The following CCDC7 variants were observed in gnomAD, a reference collection of about 807,000 sequenced individuals.
CCDC7 encodes coiled-coil domain-containing protein 7.
Under a neutral mutation model 196.9 loss-of-function variants are expected in CCDC7, and 183 were observed. That is an observed-to-expected ratio of 0.93 (90% CI 0.82 to 1.05). The LOEUF (loss-of-function observed/expected upper bound fraction) is 1.05, where lower values mean the gene tolerates loss of function less well. Ranked by LOEUF, CCDC7 falls within the 50% of genes least tolerant of loss-of-function variation. CCDC7 has a pLI of 0.00. For synonymous variants in CCDC7, 525 were observed against 484.6 expected, an observed-to-expected ratio of 1.08 and a Z score of -1.10; for missense variants, 1,540 against 1,482.2, an observed-to-expected ratio of 1.04 and a Z score of -0.64.
chr10:32,692,168 A>G (rs965437579), intron 23 of CCDC7, among the ~76,000 whole-genome samples: 6 of 152,180 alleles, frequency 3.9e-5, no homozygotes, highest in African/African-American at 1.4e-4. Context: ...CAGGCTGTCC[A>G]CCATTTTTAG....
At chr10:32,796,290 C>T (rs1454423883) in intron 29 of CCDC7, among the ~76,000 whole-genome samples, 2 of 152,010 alleles carry the variant, frequency 1.3e-5, no homozygotes, top group Non-Finnish European at 2.9e-5. Flanking sequence ...GGGAGTAAAG[C>T]CAGATTGCTT....
chr10:32,840,148 C>CAAAG, intron 33 of CCDC7, among the ~76,000 whole-genome samples: 1 of 147,056 alleles, frequency 6.8e-6, no homozygotes, highest in Middle Eastern at 3.6e-3. Context: ...AAAGAAATAA[C>CAAAG]AAAGATCAGA....
intron 9 of CCDC7, chr10:32,513,708 A>G (rs1195560530): frequency 6.6e-6 from 1 of 152,234 alleles, no homozygotes; most frequent in Non-Finnish European, 1.5e-5. Context: ...GCAGGTATCA[A>G]TTTACATAAT....
intron 21 of CCDC7, among the ~76,000 whole-genome samples, chr10:32,679,717 A>AT (rs1288371631): frequency 6.6e-6 from 1 of 152,086 alleles, no homozygotes; most frequent in African/African-American, 2.4e-5. Context: ...ATCCAGTCCT[A>AT]TTTGGGGGGT....
intron 23 of CCDC7, among the ~76,000 whole-genome samples, chr10:32,692,234 C>T (rs561640409): frequency 1.4e-4 from 22 of 152,252 alleles, no homozygotes; most frequent in Non-Finnish European, 2.9e-4. Flanking sequence ...GCAGAGTCTC[C>T]AACTTTTTTG....
intron 24 of CCDC7, among the ~76,000 whole-genome samples, chr10:32,696,505 T>G (rs1207158973): frequency 1.3e-5 from 2 of 151,804 alleles, no homozygotes; most frequent in African/African-American, 4.8e-5. Flanking sequence ...AGCCAAAAGA[T>G]TTGCATAAAA....
chr10:32,595,034 G>A (rs1189397431), intron 18 of CCDC7, among the ~76,000 whole-genome samples: 4 of 152,162 alleles, frequency 2.6e-5, no homozygotes, highest in Non-Finnish European at 5.9e-5. Context: ...TCCCTGCTAG[G>A]CTTTGGTATC....
At chr10:32,820,547 G>A (rs1163554700) in intron 31 of CCDC7, among the ~76,000 whole-genome samples, 8 of 152,100 alleles carry the variant, frequency 5.3e-5, no homozygotes, top group Non-Finnish European at 7.4e-5. Context: ...GAGGCATCAC[G>A]CTACCTGACT....
intron 18 of CCDC7, among the ~76,000 whole-genome samples, chr10:32,628,638 A>T (rs2139389113): frequency 6.6e-6 from 1 of 152,084 alleles, no homozygotes; most frequent in South Asian, 2.1e-4. Context: ...ATTTATTGAT[A>T]TAAACTTTTC....
In CCDC7 at chr10:32,802,890, C is replaced by G. The variant is rs1291516900; in HGVS notation, c.3014-2125C>G. Among the ~76,000 whole-genome samples the G allele has an allele frequency of 2.6e-5, 4 of 152,182 alleles. No individual in the cohort carries two copies. In the South Asian group the frequency reaches 8.3e-4, roughly 32 times the overall value. ...ATTCTTCTGCCTGCTTTTATTCTGG[C>G]CATTCTGGCAGCTGATTAGGTGGTG... is the stretch of plus-strand genomic sequence containing the variant. On this transcript the variant is annotated intron_variant, in intron 29 of 41. Coordinates refer to ENST00000639629, the Ensembl canonical transcript of CCDC7.
chr10:32,452,898 A>G (rs2033446185), intron 1 of CCDC7, among the ~76,000 whole-genome samples: 2 of 152,120 alleles, frequency 1.3e-5, no homozygotes, highest in Non-Finnish European at 2.9e-5. Context: ...AGTACATCAA[A>G]CTTGTACAGT....
At chr10:32,624,600 C>G (rs567209967) in intron 18 of CCDC7, among the ~76,000 whole-genome samples, 3 of 152,246 alleles carry the variant, frequency 2.0e-5, no homozygotes, top group East Asian at 3.9e-4. Context: ...AGTCAGTGGA[C>G]AAGTTTCTTA....
At chr10:32,638,524 G>C (rs1322678812) in intron 20 of CCDC7, among the ~76,000 whole-genome samples, 1 of 152,144 alleles carries the variant, frequency 6.6e-6, no homozygotes. Flanking sequence ...TTATATGCTG[G>C]ATTACATTTA....
chr10:32,471,767 G>T (rs1338141204), intron 6 of CCDC7, among the ~76,000 whole-genome samples: 3 of 152,078 alleles, frequency 2.0e-5, no homozygotes, highest in Non-Finnish European at 4.4e-5. Context: ...ACCCATAGTT[G>T]GGAGGGGCCA....
chr10:32,697,606 G>A (rs773537695), intron 24 of CCDC7, among the ~76,000 whole-genome samples: 41 of 152,174 alleles, frequency 2.7e-4, no homozygotes, highest in Non-Finnish European at 4.9e-4. Flanking sequence ...CTGAGAGGTG[G>A]CAGCGAGGAT....
chr10:32,830,017 C>T (rs1386394401), intron 32 of CCDC7, among the ~76,000 whole-genome samples: 1 of 149,712 alleles, frequency 6.7e-6, no homozygotes, highest in African/African-American at 2.4e-5. Flanking sequence ...GACTGGCTCT[C>T]CTTGTTCCTC....
intron 18 of CCDC7, among the ~76,000 whole-genome samples, chr10:32,591,284 A>G (rs1331392307): frequency 6.6e-6 from 1 of 151,302 alleles, no homozygotes; most frequent in Non-Finnish European, 1.5e-5. Flanking sequence ...AAACTCTCTA[A>G]TTTTTTCTTC....
chr10:32,730,520 T>A (rs1455728027), intron 28 of CCDC7, among the ~76,000 whole-genome samples: 1 of 151,930 alleles, frequency 6.6e-6, no homozygotes, highest in Non-Finnish European at 1.5e-5. Context: ...AATATACAAG[T>A]ATTTGTAATA....
At chr10:32,660,876 A>G (rs1339903642) in intron 20 of CCDC7, among the ~76,000 whole-genome samples, 1 of 143,934 alleles carries the variant, frequency 6.9e-6, no homozygotes, top group Non-Finnish European at 1.5e-5. Flanking sequence ...AAAACCCTAG[A>G]AGAAAACCTA....
Sources: gnomAD v4.1 joint callset for allele counts (sites outside exome capture counted in the v4.1 genomes callset) on GRCh38, gnomAD v4.1.1 for gene constraint, MANE v1.5 for transcripts, NCBI Gene and HGNC (gene_info 2026-07-23, HGNC 2026-07-21) for gene names.